The following DYNC2H1 variants were observed in gnomAD, a reference collection of about 807,000 sequenced individuals.
DYNC2H1 encodes the protein dynein cytoplasmic 2 heavy chain 1, also known as cytoplasmic dynein 2 heavy chain 1.
A neutral mutation model predicts 570.0 loss-of-function variants in DYNC2H1; 410 were observed. That is an observed-to-expected ratio of 0.72 (90% CI 0.66 to 0.78). DYNC2H1 has a LOEUF of 0.78. Among genes scored for constraint, DYNC2H1 ranks in the 30% least tolerant of loss-of-function variants. The pLI, the probability that DYNC2H1 is intolerant of heterozygous loss-of-function variation, is 0.00. For synonymous variants in DYNC2H1, 1,688 were observed against 1,677.6 expected, an observed-to-expected ratio of 1.01 and a Z score of -0.15; for missense variants, 4,865 against 5,046.4, an observed-to-expected ratio of 0.96 and a Z score of 1.09.
At position 103,154,453 on chromosome 11, in the gene DYNC2H1, A is replaced by T. The variant is rs1860715042; in HGVS notation, c.3305A>T (p.Asp1102Val). 4 of 1,531,316 alleles carry T rather than the reference A, an allele frequency of 2.6e-6. No homozygotes were observed. Among genetic ancestry groups the T allele is most frequent in the Non-Finnish European group, 3.5e-6 (4 of 1,143,234 alleles). 94.9% of individuals were successfully genotyped at this position (1,531,316 alleles called of 1,614,324 possible). A position where few individuals can be genotyped will look rare whatever the true frequency, so the allele number is the denominator to read the frequency against. The change falls in exon 23 of 89, where the codon GAT becomes GTT. Residue 1102 changes from aspartate (D) to valine (V), a missense_variant and splice_region_variant. Physicochemically the swap from Asp to Val is radical, Grantham distance 152 (BLOSUM62 -3). Around this residue, in one of 5 missense-constraint regions of DYNC2H1, gnomAD observed 1,936 missense variants for 1,962.1 expected, o/e 0.99. Transcript: ENST00000375735. ...DLEVTRKKLV[D>V]DCHHFRLEEP... is the part of the protein sequence containing the mutation. ...TATTTCAATATTTGTTTCTATAGTGATGATTGCCATCATTTTAGACTGGAA... is the reference window on the plus strand; with the variant it reads ...TATTTCAATATTTGTTTCTATAGTGTTGATTGCCATCATTTTAGACTGGAA...
rs1291551310 is a variant in DYNC2H1 at position 103,252,510 on chromosome 11, A to G, written c.10043-775A>G. 6.6e-6 allele frequency among the ~76,000 whole-genome samples: 1 copy of G among 152,074 alleles called. No individual in the cohort carries two copies. Among genetic ancestry groups the G allele is most frequent in the East Asian group, 1.9e-4 (1 of 5,186 alleles). ...CTCCGTATCTTCATCAACATTTGTT[A>G]TCTCTTGTCTTTTTGATAATACCCA... On this transcript the variant is annotated intron_variant, in intron 65 of 88. Coordinates refer to ENST00000375735, the MANE Select transcript of DYNC2H1 (RefSeq NM_001377.3). This position sits in a 1 kb window ranked among gnomAD's most constrained non-coding sequence, Gnocchi z 4.6.
chr11:103,255,969 G>T, intron 67 of DYNC2H1, 137 bp from the exon 68 acceptor site: 1 of 659,096 alleles, frequency 1.5e-6, no homozygotes, highest in Non-Finnish European at 2.4e-6. Flanking sequence ...ACTTTAAGAG[G>T]GCTATAAAAT....
intron 63 of DYNC2H1, among the ~76,000 whole-genome samples, chr11:103,240,699 T>C (rs1864393781): frequency 2.0e-5 from 3 of 152,302 alleles, no homozygotes; most frequent in African/African-American, 4.8e-5. Flanking sequence ...TGGATAAATA[T>C]ATCATTATAC....
chr11:103,161,926 G>A (rs1861110417), intron 29 of DYNC2H1, among the ~76,000 whole-genome samples: 1 of 152,182 alleles, frequency 6.6e-6, no homozygotes, highest in Non-Finnish European at 1.5e-5. Flanking sequence ...GCCTTACCAT[G>A]TGCATGTCCA....
chr11:103,362,203 A>G (rs971969820), intron 83 of DYNC2H1, among the ~76,000 whole-genome samples: 1 of 152,124 alleles, frequency 6.6e-6, no homozygotes, highest in African/African-American at 2.4e-5. Context: ...GTAGTTGAAG[A>G]TGCTGAAAAA....
At chr11:103,322,205 T>C (rs923058743) in intron 81 of DYNC2H1, among the ~76,000 whole-genome samples, 3 of 152,146 alleles carry the variant, frequency 2.0e-5, no homozygotes, top group Non-Finnish European at 4.4e-5. Flanking sequence ...CTGTGGAGTT[T>C]ACCTTCTAGC....
chr11:103,466,675 A>G (rs1043013170), intron 87 of DYNC2H1, among the ~76,000 whole-genome samples: 1 of 152,212 alleles, frequency 6.6e-6, no homozygotes, highest in Non-Finnish European at 1.5e-5. Flanking sequence ...TGTTCTTACT[A>G]GTAACTAGGA....
chr11:103,470,118 C>T (rs1049445566), intron 88 of DYNC2H1, among the ~76,000 whole-genome samples: 22 of 152,022 alleles, frequency 1.4e-4, no homozygotes, highest in Non-Finnish European at 1.9e-4. Flanking sequence ...GAGACAATGA[C>T]CTGGAGCCAT....
Position 103,186,582 on chromosome 11 carries a change from TC to T in DYNC2H1, c.6893+82del. On this transcript the variant is annotated intron_variant, in intron 42 of 88. Transcript: ENST00000375735. The surrounding 1 kb of genome is among the most constrained non-coding windows in gnomAD (Gnocchi z 4.5). Reference sequence around the variant, plus strand: ...TTGATTTAATGGCTTTTGTTATGTTTCTTTTGGTTAAAGTAGCATTTACATT... The same window carrying T: ...TTGATTTAATGGCTTTTGTTATGTTTTTTTGGTTAAAGTAGCATTTACATT... The T allele has an allele frequency of 6.7e-7, 1 of 1,500,072 alleles. No individual in the cohort carries two copies. Among genetic ancestry groups the T allele is most frequent in the South Asian group, 1.3e-5 (1 of 76,032 alleles). The allele number at this position is 1,500,072 out of a possible 1,614,324, so 92.9% of individuals were successfully genotyped here.
intron 83 of DYNC2H1, among the ~76,000 whole-genome samples, chr11:103,397,820 A>G (rs1282669477): frequency 1.3e-5 from 2 of 152,210 alleles, no homozygotes; most frequent in Non-Finnish European, 2.9e-5. Flanking sequence ...ACCTGAGCCC[A>G]GGAGGTCGAG....
rs34032894 is a variant in DYNC2H1 at position 103,451,324 on chromosome 11, C to CTTTTTTTTTTTTTTTTT, written c.12457-3851_12457-3835dup. ...AGAAATGAATCACTGAGTAAAAGGGCTTTTTTTTTTTTTTTTTTTTTTTTT... is the reference window on the plus strand; with the variant it reads ...AGAAATGAATCACTGAGTAAAAGGGCTTTTTTTTTTTTTTTTTTTTTTTTTTTTTTTTTTTTTTTTTT... On this transcript the variant is annotated intron_variant, in intron 85 of 88. Transcript: ENST00000375735. 2.7e-4 allele frequency among the ~76,000 whole-genome samples: 19 copies of CTTTTTTTTTTTTTTTTT among 71,034 alleles called. 2 individuals carry two copies. Among genetic ancestry groups the CTTTTTTTTTTTTTTTTT allele is most frequent in the African/African-American group, 4.0e-4 (6 of 14,836 alleles). 46.6% of individuals were successfully genotyped at this position (71,034 alleles called of 152,430 possible). A position where few individuals can be genotyped will look rare whatever the true frequency, so the allele number is the denominator to read the frequency against.
intron 75 of DYNC2H1, among the ~76,000 whole-genome samples, chr11:103,302,369 G>T (rs937289251): frequency 6.6e-6 from 1 of 151,988 alleles, no homozygotes; most frequent in Non-Finnish European, 1.5e-5. Context: ...AATAGAATTT[G>T]TTACAATTAT....
Position 103,192,077 on chromosome 11 carries a change from T to C in DYNC2H1, c.7541-20T>C. On this transcript the variant is annotated intron_variant, in intron 46 of 88. Transcript: ENST00000375735. Reference sequence around the variant, plus strand: ...TAAAAATCATTATATTACAATTAAATAAAATTTTGCCTTTTCTAGGATCCT... The same window carrying C: ...TAAAAATCATTATATTACAATTAAACAAAATTTTGCCTTTTCTAGGATCCT... The C allele has an allele frequency of 2.1e-6, 3 of 1,443,568 alleles. No homozygotes were observed. Among genetic ancestry groups the C allele is most frequent in the Non-Finnish European group, 2.8e-6 (3 of 1,081,218 alleles). The allele number at this position is 1,443,568 out of a possible 1,614,324, so 89.4% of individuals were successfully genotyped here. A position where few individuals can be genotyped will look rare whatever the true frequency, so the allele number is the denominator to read the frequency against.
chr11:103,280,563 A>G lies in DYNC2H1; in HGVS notation c.10761+150A>G. 6.9e-6 allele frequency: 5 copies of G among 728,816 alleles called. No individual in the cohort carries two copies. Among genetic ancestry groups the G allele is most frequent in the Non-Finnish European group, 1.1e-5 (5 of 445,488 alleles). 45.1% of individuals were successfully genotyped at this position (728,816 alleles called of 1,614,324 possible). ...GTTAGAAATGTAGTATAAAATGGTG[A>G]TTCCTAGTTCTACTTCCCTGTGGAT... On this transcript the variant is annotated intron_variant, in intron 71 of 88. Transcript: ENST00000375735. This position sits in a 1 kb window ranked among gnomAD's most constrained non-coding sequence, Gnocchi z 4.7.
At chr11:103,297,431 AT>A (rs1458201568) in intron 75 of DYNC2H1, among the ~76,000 whole-genome samples, 1 of 152,140 alleles carries the variant, frequency 6.6e-6, no homozygotes, top group Admixed American at 6.5e-5. Flanking sequence ...ATTCTAAGAA[AT>A]GTGTCAGGCA....
In DYNC2H1 at chr11:103,173,277, A is replaced by G. The variant is rs1349898356; in HGVS notation, c.5530A>G (p.Lys1844Glu). 2 of 1,576,664 alleles carry G rather than the reference A, an allele frequency of 1.3e-6. No homozygotes were observed. Among genetic ancestry groups the G allele is most frequent in the African/African-American group, 2.8e-5 (2 of 72,354 alleles). The change falls in exon 35 of 89, where the codon AAA (lysine) becomes GAA (glutamate). Residue 1844 changes from lysine to glutamate, a missense_variant. Coordinates refer to ENST00000375735, the MANE Select transcript of DYNC2H1 (RefSeq NM_001377.3). ...GFKDAKVLSR[K>E]LVAIFNLSRE... is the part of the protein sequence containing the mutation. ...TAAAGACGCTAAAGTATTGAGCAGA[A>G]AATTGGTAGCTATTTTCAATCTATC...
At chr11:103,147,909 T>A in intron 19 of DYNC2H1, 22 bp downstream of exon 19, 2 of 1,475,092 alleles carry the variant, frequency 1.4e-6, no homozygotes, top group Non-Finnish European at 9.4e-7. Context: ...TTTTAATTTT[T>A]ATTTTTACTT....
intron 31 of DYNC2H1, 60 bp from the exon 32 acceptor site, chr11:103,168,695 A>T: frequency 6.5e-7 from 1 of 1,531,884 alleles, no homozygotes; most frequent in South Asian, 1.2e-5. Flanking sequence ...CGTAATCATA[A>T]ATTATATAAA....
chr11:103,222,181 G>C, intron 58 of DYNC2H1, 28 bp downstream of exon 58: 1 of 1,433,798 alleles, frequency 7.0e-7, no homozygotes, highest in Non-Finnish European at 9.5e-7. Context: ...CTATAAATTT[G>C]TTTTTCCATA....
Sources: allele counts gnomAD v4.1 joint callset (sites outside exome capture counted in the v4.1 genomes callset), GRCh38; gene constraint gnomAD v4.1.1; regional missense constraint gnomAD v4.1.1; non-coding constraint Gnocchi (gnomAD v3.1); transcripts MANE v1.5; gene names NCBI Gene and HGNC (gene_info 2026-07-23, HGNC 2026-07-21).